Variants in PHF12 observed in about 807,000 individuals in gnomAD.
PHF12 encodes PHD factor 1.
Under a neutral mutation model 99.8 loss-of-function variants are expected in PHF12, and 6 were observed. The ratio of observed to expected loss-of-function variants is 0.06; its 90% CI spans 0.03 to 0.12. The LOEUF (loss-of-function observed/expected upper bound fraction) is 0.12. PHF12 is among the 10% of genes least tolerant of loss of function. The pLI is 1.00. For synonymous variants in PHF12, 480 were observed against 514.9 expected (o/e 0.93, Z 0.92); for missense variants, 954 against 1,300.1 (o/e 0.73, Z 4.09).
intron 3 of PHF12, chr17:28,925,244 G>A (rs2040248750): frequency 6.6e-6 from 1 of 152,232 alleles, no homozygotes; most frequent in Non-Finnish European, 1.5e-5. Context: ...AGGCTGGTGG[G>A]CAGGAATTTC....
At chr17:28,907,544 G>A (rs1450041214) in intron 13 of PHF12, 46 bp downstream of exon 13, 9 of 1,582,240 alleles carry the variant, frequency 5.7e-6, no homozygotes, top group Non-Finnish European at 7.8e-6. Context: ...CCTGGGAGAG[G>A]CCTCAGGTTG....
At chr17:28,923,651 C>CAAAAAAAAAA (rs1491183033) in intron 4 of PHF12, among the ~76,000 whole-genome samples, 22 of 21,970 alleles carry the variant, frequency 1.0e-3, no homozygotes, top group African/African-American at 3.0e-3. Flanking sequence ...AAGTGAGACT[C>CAAAAAAAAAA]ACAAAAAAAA....
At chr17:28,929,360 A>G (rs2152670394) in intron 2 of PHF12, among the ~76,000 whole-genome samples, 1 of 151,956 alleles carries the variant, frequency 6.6e-6, no homozygotes, top group African/African-American at 2.4e-5. Flanking sequence ...CTCCCGCCTC[A>G]GCCTCCTGAG....
intron 7 of PHF12, among the ~76,000 whole-genome samples, 186 bp downstream of exon 7, chr17:28,917,099 G>A (rs1241400176): frequency 6.6e-6 from 1 of 152,088 alleles, no homozygotes; most frequent in Non-Finnish European, 1.5e-5. Context: ...CTTGAGGTTC[G>A]GCCCTCATAA....
chr17:28,912,253 G>A (rs2039973098), intron 9 of PHF12: 1 of 1,327,946 alleles, frequency 7.5e-7, no homozygotes, highest in African/African-American at 1.5e-5. Context: ...TGACTCAGTA[G>A]GTCATTTTAA....
intron 5 of PHF12, among the ~76,000 whole-genome samples, chr17:28,920,863 T>C (rs1215648438): frequency 6.6e-6 from 1 of 150,904 alleles, no homozygotes; most frequent in Non-Finnish European, 1.5e-5. Flanking sequence ...ACCGGGCCAT[T>C]GTTTTTATTT....
At position 28,949,114 on chromosome 17, in the gene PHF12, G is replaced by A. The variant is rs1348117315; in HGVS notation, c.248+951C>T. Among the ~76,000 whole-genome samples the A allele has an allele frequency of 6.6e-6, 1 of 152,164 alleles. No individual in the cohort carries two copies. The highest frequency in any genetic ancestry group is 1.5e-5 in the Non-Finnish European group (1 of 68,020). ...TCATGTCCAGTAAGGGGGAAAAAGC[G>A]TACGGCTTTCCAGCTCTCAGCTCCT... On this transcript the variant is annotated intron_variant, in intron 2 of 14. Transcript: ENST00000332830. The surrounding 1 kb of genome is among the most constrained non-coding windows in gnomAD (Gnocchi z 4.6).
In PHF12 at chr17:28,950,797, C is replaced by A; in HGVS notation, c.66+98G>T. The A allele has an allele frequency of 6.6e-7, 1 of 1,517,412 alleles. No homozygotes were observed. The allele number at this position is 1,517,412 out of a possible 1,614,324, so 94.0% of individuals were successfully genotyped here. A position where few individuals can be genotyped will look rare whatever the true frequency, so the allele number is the denominator to read the frequency against. On this transcript the variant is annotated intron_variant, in intron 1 of 14. Transcript: ENST00000332830. This position sits in a 1 kb window ranked among gnomAD's most constrained non-coding sequence, Gnocchi z 5.7. ...GTGAGGAAGAATCCCCCTCCCTCGGCCATCTAGGCGCTTCGAGTTTAGGAC... is the reference window on the plus strand; with the variant it reads ...GTGAGGAAGAATCCCCCTCCCTCGGACATCTAGGCGCTTCGAGTTTAGGAC...
chr17:28,951,125 C>T lies in PHF12; in HGVS notation c.-165G>A. The T allele has an allele frequency of 6.9e-7, 1 of 1,445,746 alleles. No individual in the cohort carries two copies. Among genetic ancestry groups the T allele is most frequent in the Non-Finnish European group, 9.1e-7 (1 of 1,102,058 alleles). The allele number at this position is 1,445,746 out of a possible 1,614,324, so 89.6% of individuals were successfully genotyped here. A position where few individuals can be genotyped will look rare whatever the true frequency, so the allele number is the denominator to read the frequency against. ...CCCCCCACCCCCCGGCCCCCAGTCC[C>T]CGGGACGACAGCGTCCTCCCGACGG... On this transcript the variant is annotated 5_prime_UTR_variant, in exon 1 of 15. Coordinates refer to ENST00000332830, the MANE Select transcript of PHF12 (RefSeq NM_001033561.2).
rs761590480 is a variant in PHF12, at chr17:28,912,456, T to G, written c.2089+26A>C. 7 of 1,537,684 alleles carry G rather than the reference T, an allele frequency of 4.6e-6. No individual in the cohort carries two copies. In the African/African-American group the frequency reaches 9.7e-5, roughly 21 times the overall value. On this transcript the variant is annotated intron_variant, in intron 9 of 14. Coordinates refer to ENST00000332830, the MANE Select transcript of PHF12 (RefSeq NM_001033561.2). ...AGAAAGAGCATAAAATTATTCCAAA[T>G]CAACCCAAGGCTGAGCAGCACTCAC...
In PHF12 at chr17:28,912,483, T is replaced by C. The variant is rs2039977107; in HGVS notation, c.2088A>G (p.Ser696=). Residue 696 remains serine (S), a splice_region_variant and synonymous_variant, in exon 9 of 15, where the codon TCA becomes TCG. Coordinates refer to ENST00000332830, the MANE Select transcript of PHF12 (RefSeq NM_001033561.2). ...AACCCAAGGCTGAGCAGCACTCACC[T>C]GACGATGGCGCTGGTGAGCTGAATC... ...NQRFSSPAPS[S]DGKVSPGTLS... is the part of the protein sequence containing the mutation. 6.3e-7 allele frequency: 1 copy of C among 1,590,726 alleles called. No individual in the cohort carries two copies. The highest frequency in any genetic ancestry group is 8.6e-7 in the Non-Finnish European group (1 of 1,165,544).
chr17:28,951,205 G>A lies in PHF12; in HGVS notation c.-245C>T. ...CGGCCCGGCTGCTGGCTGCACAGTGGGTCCCGGCTCCGGGGGTCAGGCCTC... is the reference window on the plus strand; with the variant it reads ...CGGCCCGGCTGCTGGCTGCACAGTGAGTCCCGGCTCCGGGGGTCAGGCCTC... On this transcript the variant is annotated 5_prime_UTR_variant, in exon 1 of 15. Transcript: ENST00000332830. The A allele has an allele frequency of 7.3e-7, 1 of 1,376,370 alleles. No individual in the cohort carries two copies. The highest frequency in any genetic ancestry group is 9.4e-7 in the Non-Finnish European group (1 of 1,066,952). 85.3% of individuals were successfully genotyped at this position (1,376,370 alleles called of 1,614,324 possible).
intron 11 of PHF12, chr17:28,909,188 G>A (rs1009096986): frequency 1.5e-5 from 5 of 324,178 alleles, no homozygotes; most frequent in Admixed American, 8.5e-5. Context: ...TGGTACTATA[G>A]GGAGAATATG....
intron 2 of PHF12, among the ~76,000 whole-genome samples, chr17:28,929,010 C>T (rs541787724): frequency 4.4e-4 from 66 of 151,680 alleles, no homozygotes; most frequent in African/African-American, 1.5e-3. Flanking sequence ...GCAGGAGAAT[C>T]GCTTGAACCT....
In PHF12 at chr17:28,905,296, G is replaced by T. The variant is rs1053244130; in HGVS notation, c.*887C>A. On this transcript the variant is annotated 3_prime_UTR_variant, in exon 15 of 15. Transcript: ENST00000332830. ...ATATACAGAATACAGGAAAGTTTCT[G>T]TAAAGTCTAAAACATTACAATTACT... The T allele has an allele frequency of 6.6e-6, 1 of 152,586 alleles. No individual in the cohort carries two copies. Among genetic ancestry groups the T allele is most frequent in the African/African-American group, 2.4e-5 (1 of 41,426 alleles). The allele number at this position is 152,586 out of a possible 1,614,324, so 9.5% of individuals were successfully genotyped here.
intron 2 of PHF12, among the ~76,000 whole-genome samples, chr17:28,931,643 G>A (rs1257137482): frequency 2.7e-5 from 4 of 150,660 alleles, no homozygotes; most frequent in African/African-American, 4.9e-5. Context: ...GTTCAGTGGC[G>A]TGATCTCGGC....
rs759501261 is a variant in PHF12, at chr17:28,950,340, C to T, written c.67-94G>A. The T allele has an allele frequency of 4.5e-6, 6 of 1,342,512 alleles. No homozygotes were observed. The South Asian group carries it at 6.8e-5, about 15-fold the overall frequency. 83.2% of individuals were successfully genotyped at this position (1,342,512 alleles called of 1,614,324 possible). On this transcript the variant is annotated intron_variant, in intron 1 of 14. Transcript: ENST00000332830. This position sits in a 1 kb window ranked among gnomAD's most constrained non-coding sequence, Gnocchi z 5.7. ...CGGTTTCTCCGTCACCCACCCCTCT[C>T]CCCCCTTTTGTCCTTCTTCCTCCCA...
chr17:28,930,820 C>T (rs1481144016), intron 2 of PHF12, among the ~76,000 whole-genome samples: 2 of 152,144 alleles, frequency 1.3e-5, no homozygotes, highest in Non-Finnish European at 2.9e-5. Flanking sequence ...CCTGTAATAC[C>T]AGCACTTTGT....
At position 28,928,790 on chromosome 17, in the gene PHF12, A is replaced by C. The variant is rs143847872; in HGVS notation, c.249-1727T>G. ...AAACTCCATCTCAAAACAAACAAAC[A>C]AACAAACAAACCAAACCAAAAAACA... On this transcript the variant is annotated intron_variant, in intron 2 of 14. Coordinates refer to ENST00000332830, the MANE Select transcript of PHF12 (RefSeq NM_001033561.2). Among the ~76,000 whole-genome samples, 574 of 151,914 alleles carry C rather than the reference A, an allele frequency of 3.8e-3. 3 individuals carry two copies. The highest frequency in any genetic ancestry group is 6.2e-3 in the Non-Finnish European group (418 of 67,938).
Sources: allele counts gnomAD v4.1 joint callset (sites outside exome capture counted in the v4.1 genomes callset), GRCh38; gene constraint gnomAD v4.1.1; non-coding constraint Gnocchi (gnomAD v3.1); transcripts MANE v1.5; gene names NCBI Gene and HGNC (gene_info 2026-07-23, HGNC 2026-07-21).